DGCR6L: variants seen among roughly 807,000 people sequenced by gnomAD.
DGCR6L encodes protein DGCR6L.
A neutral mutation model predicts 31.1 loss-of-function variants in DGCR6L; 24 were observed. The ratio of observed to expected loss-of-function variants is 0.77; its 90% confidence interval spans 0.56 to 1.08. The LOEUF (loss-of-function observed/expected upper bound fraction) is 1.08. DGCR6L is among the 50% of genes least tolerant of loss of function. The pLI, the probability that DGCR6L is intolerant of heterozygous loss-of-function variation, is 0.00. For missense variants in DGCR6L, 218 were observed against 287.1 expected, an observed-to-expected ratio of 0.76 and a Z score of 1.74; for synonymous variants, 104 against 126.1, an observed-to-expected ratio of 0.82 and a Z score of 1.17.
Position 20,319,966 on chromosome 22 carries a change from A to C in DGCR6L, c.23T>G (p.Leu8Trp), listed in dbSNP as rs746467787. The part of the protein sequence containing the change: MERYAAA[L>W]EEVADGARQQ... ...CCGGGCACCGTCCGCCACCTCCTCC[A>C]AGGCGGCCGCGTAGCGCTCCATGGC... The change falls in exon 1 of 5, where the codon TTG becomes TGG. Residue 8 changes from leucine (L) to tryptophan (W), a missense_variant. Leu to Trp is a moderately conservative substitution (Grantham distance 61, BLOSUM62 -2). Around this residue, in one of 4 missense-constraint regions of DGCR6L, gnomAD observed 77 missense variants for 71.2 expected, o/e 1.08. Coordinates refer to ENST00000248879, the MANE Select transcript of DGCR6L (RefSeq NM_033257.4). The C allele has an allele frequency of 1.9e-6, 3 of 1,601,954 alleles. No individual in the cohort carries two copies. Among genetic ancestry groups the C allele is most frequent in the Admixed American group, 3.4e-5 (2 of 58,550 alleles).
Position 20,319,942 on chromosome 22 carries a change from C to T in DGCR6L, c.47G>A (p.Arg16Gln). ...CAACTGGTAGTGTCGCTCCTGCTGC[C>T]GGGCACCGTCCGCCACCTCCTCCAA... ...AALEEVADGA[R>Q]QQERHYQLLS... Residue 16 changes from arginine (R) to glutamine (Q), a missense_variant, in exon 1 of 5, where the codon CGG becomes CAG. Around this residue, in one of 4 missense-constraint regions of DGCR6L, gnomAD observed 77 missense variants for 71.2 expected, o/e 1.08. Coordinates refer to ENST00000248879, the MANE Select transcript of DGCR6L (RefSeq NM_033257.4). 1 of 1,608,796 alleles carries T rather than the reference C, an allele frequency of 6.2e-7. No individual in the cohort carries two copies. Among genetic ancestry groups the T allele is most frequent in the Non-Finnish European group, 8.5e-7 (1 of 1,178,570 alleles).
At chr22:20,317,221 A>G (rs1340310101) in intron 2 of DGCR6L, among the ~76,000 whole-genome samples, 2 of 152,140 alleles carry the variant, frequency 1.3e-5, no homozygotes, top group African/African-American at 4.8e-5. Context: ...CTGTCTCTTC[A>G]CATTCTGTAC....
At chr22:20,319,587 C>G (rs946141892) in intron 2 of DGCR6L, 52 bp downstream of exon 2, 40 of 1,594,300 alleles carry the variant, frequency 2.5e-5, no homozygotes, top group Non-Finnish European at 3.0e-5. Context: ...AAGAGCTGCC[C>G]GGAGGCGCCG....
At chr22:20,316,573 A>G (rs2051572862) in intron 2 of DGCR6L, among the ~76,000 whole-genome samples, 1 of 152,076 alleles carries the variant, frequency 6.6e-6, no homozygotes, top group South Asian at 2.1e-4. Context: ...GCCATGAGAC[A>G]TCTACTCAAG....
chr22:20,315,844 C>A (rs2051567142), intron 3 of DGCR6L, among the ~76,000 whole-genome samples: 2 of 152,186 alleles, frequency 1.3e-5, no homozygotes, highest in East Asian at 1.9e-4. Flanking sequence ...TTTGTACCCC[C>A]CTGAGGCCAC....
intron 2 of DGCR6L, among the ~76,000 whole-genome samples, chr22:20,317,786 G>C (rs538135540): frequency 6.6e-6 from 1 of 152,266 alleles, no homozygotes; most frequent in Non-Finnish European, 1.5e-5. Flanking sequence ...ACATGGCACA[G>C]TCTGGGCATT....
chr22:20,316,546 G>A (rs868406159), intron 2 of DGCR6L, among the ~76,000 whole-genome samples: 16 of 152,350 alleles, frequency 1.1e-4, no homozygotes, highest in Admixed American at 3.9e-4. Context: ...AGGGCTTCAG[G>A]GCCCCCATGG....
Position 20,314,445 on chromosome 22 carries a change from A to G in DGCR6L, c.*230T>C, listed in dbSNP as rs1602678565. ...GTGCCCGGTGGAGTAAGGTGTGAGA[A>G]CCCCCAGCCTCACTCTCTGCCTGGT... On this transcript the variant is annotated 3_prime_UTR_variant, in exon 5 of 5. Transcript: ENST00000248879. 2.8e-6 allele frequency: 2 copies of G among 714,352 alleles called. No individual in the cohort carries two copies. The highest frequency in any genetic ancestry group is 4.3e-6 in the Non-Finnish European group (2 of 461,806). The allele number at this position is 714,352 out of a possible 1,614,324, so 44.3% of individuals were successfully genotyped here.
At position 20,315,402 on chromosome 22, in the gene DGCR6L, C is replaced by G. The variant is rs370639602; in HGVS notation, c.447G>C (p.Val149=). The G allele has an allele frequency of 1.9e-6, 3 of 1,613,872 alleles. No individual in the cohort carries two copies. The African/African-American group carries it at 4.0e-5, about 22-fold the overall frequency. ...QKIILELDRK[V]ADQQSTLEKA... ...TCTCCAGTGTGCTCTGCTGGTCAGCCACCTTCCGGTCCAGCTCCAGGATGA... is the reference window on the plus strand; with the variant it reads ...TCTCCAGTGTGCTCTGCTGGTCAGCGACCTTCCGGTCCAGCTCCAGGATGA... The change falls in exon 4 of 5, where the codon GTG becomes GTC. Residue 149 remains valine (V), a synonymous_variant. Transcript: ENST00000248879.
In DGCR6L at chr22:20,314,671, G is replaced by A. The variant is rs376912694; in HGVS notation, c.*4C>T. ...AACTCTGCCCAGACTTCTGCTGCCT[G>A]TGGCTATGGTGGGACAGGGCTGCCT... On this transcript the variant is annotated 3_prime_UTR_variant, in exon 5 of 5. Transcript: ENST00000248879. 26 of 1,588,636 alleles carry A rather than the reference G, an allele frequency of 1.6e-5. No individual in the cohort carries two copies. Among genetic ancestry groups the A allele is most frequent in the Non-Finnish European group, 2.2e-5 (26 of 1,164,692 alleles).
chr22:20,315,266 G>T, intron 4 of DGCR6L, 70 bp downstream of exon 4: 1 of 1,557,880 alleles, frequency 6.4e-7, no homozygotes, highest in East Asian at 2.4e-5. Context: ...CCAGGGACCA[G>T]CAGTAAAACC....
chr22:20,316,483 GC>G (rs1450111372), intron 2 of DGCR6L, among the ~76,000 whole-genome samples: 6 of 152,234 alleles, frequency 3.9e-5, no homozygotes, highest in African/African-American at 1.4e-4. Context: ...CAAAGCTGCA[GC>G]CCCAGACCCA....
chr22:20,315,546 G>C (rs1274830792), intron 3 of DGCR6L, 70 bp from the exon 4 acceptor site: 8 of 1,567,038 alleles, frequency 5.1e-6, no homozygotes, highest in Non-Finnish European at 6.9e-6. Context: ...GGGGAGGTGA[G>C]GGCAGCTCAA....
chr22:20,316,999 G>A (rs908765879), intron 2 of DGCR6L, among the ~76,000 whole-genome samples: 5 of 152,208 alleles, frequency 3.3e-5, no homozygotes, highest in Admixed American at 6.5e-5. Flanking sequence ...CACAGCTGGC[G>A]CCAGTGACCA....
intron 2 of DGCR6L, chr22:20,318,042 G>A (rs563241805): frequency 9.2e-5 from 19 of 207,388 alleles, no homozygotes; most frequent in Non-Finnish European, 1.7e-4. Context: ...CATGAACATA[G>A]ACCAAAAAAT....
At chr22:20,315,008 G>GCC (rs915455693) in intron 4 of DGCR6L, 184 bp from the exon 5 acceptor site, 2 of 1,383,180 alleles carry the variant, frequency 1.4e-6, no homozygotes, top group African/African-American at 2.9e-5. Context: ...CTGAGCCTCT[G>GCC]CCCCCAGCAG....
Position 20,320,047 on chromosome 22 carries a change from C to T in DGCR6L, c.-59G>A, listed in dbSNP as rs1163094123. On this transcript the variant is annotated 5_prime_UTR_variant, in exon 1 of 5. Coordinates refer to ENST00000248879, the MANE Select transcript of DGCR6L (RefSeq NM_033257.4). ...ACGAGCTCCCCCAGCTTCACGACAT[C>T]CCGAGCGCGGCGCGTCCCGCCCCTT... The T allele has an allele frequency of 1.5e-5, 22 of 1,467,124 alleles. No individual in the cohort carries two copies. In the South Asian group the frequency reaches 2.6e-4, roughly 17 times the overall value. The allele number at this position is 1,467,124 out of a possible 1,614,324, so 90.9% of individuals were successfully genotyped here.
At position 20,319,873 on chromosome 22, in the gene DGCR6L, G is replaced by C. The variant is rs772700866; in HGVS notation, c.110+6C>G. 1.9e-6 allele frequency: 3 copies of C among 1,608,258 alleles called. No individual in the cohort carries two copies. The highest frequency in any genetic ancestry group is 2.5e-6 in the Non-Finnish European group (3 of 1,178,050). ...CCGCAGGCCTCCGCCCGCCCCGCCT[G>C]CGTACCTGGGCAACTCCTTCACCAG... On this transcript the variant is annotated splice_donor_region_variant and intron_variant, in intron 1 of 4. Transcript: ENST00000248879.
Position 20,319,649 on chromosome 22 carries a change from G to C in DGCR6L, c.261C>G (p.Asn87Lys). The change falls in exon 2 of 5, where the codon AAC becomes AAG. Residue 87 changes from asparagine to lysine, a missense_variant. Asn to Lys is a moderately conservative substitution (Grantham distance 94). This residue lies in a region of DGCR6L where 78 missense variants were observed against 90.0 expected (regional missense o/e 0.87). Transcript: ENST00000248879. ...GCTGCCCCCGCGCACCTCGGTGCTC[G>C]TTCTGTAGGCGCAGGCGCTGGTTGT... is the stretch of plus-strand genomic sequence containing the variant. Reference protein sequence around the residue: ...SLYNQRLRLQNEHRVLRQALR... With the variant: ...SLYNQRLRLQKEHRVLRQALR... The C allele has an allele frequency of 6.2e-7, 1 of 1,611,414 alleles. No homozygotes were observed. The highest frequency in any genetic ancestry group is 8.5e-7 in the Non-Finnish European group (1 of 1,179,800).
Sources: allele counts gnomAD v4.1 joint callset (sites outside exome capture counted in the v4.1 genomes callset), GRCh38; gene constraint gnomAD v4.1.1; regional missense constraint gnomAD v4.1.1; transcripts MANE v1.5; gene names NCBI Gene and HGNC (gene_info 2026-07-23, HGNC 2026-07-21).